The following PDE4D variants were observed in gnomAD, a reference collection of about 807,000 sequenced individuals.
PDE4D encodes phosphodiesterase 4D.
Under a neutral mutation model 87.4 loss-of-function variants are expected in PDE4D, and 24 were observed. The ratio of observed to expected loss-of-function variants is 0.27; its 90% CI spans 0.20 to 0.39. PDE4D has a LOEUF of 0.39. PDE4D is among the 10% of genes least tolerant of loss of function. The pLI, the probability that PDE4D is intolerant of heterozygous loss-of-function variation, is 1.00. For synonymous variants in PDE4D, 384 were observed against 383.2 expected, an observed-to-expected ratio of 1.00 and a Z score of -0.02; for missense variants, 714 against 1,041.0, an observed-to-expected ratio of 0.69 and a Z score of 4.32.
intron 1 of PDE4D, among the ~76,000 whole-genome samples, chr5:59,884,060 A>G (rs1333115059): frequency 1.3e-5 from 2 of 152,140 alleles, no homozygotes; most frequent in Admixed American, 1.3e-4. Context: ...CTCATTTTAA[A>G]GGAAATTGAG....
intron 1 of PDE4D, among the ~76,000 whole-genome samples, chr5:59,635,472 T>A (rs1428699700): frequency 1.3e-5 from 2 of 152,192 alleles, no homozygotes; most frequent in African/African-American, 2.4e-5. Context: ...TTGATGAACA[T>A]CGATGTGAAA....
intron 1 of PDE4D, among the ~76,000 whole-genome samples, chr5:60,473,752 T>A (rs1748041378): frequency 6.6e-6 from 1 of 151,764 alleles, no homozygotes; most frequent in African/African-American, 2.4e-5. Flanking sequence ...ATGCAAACCA[T>A]ACTACCATAT....
chr5:59,145,023 T>G (rs1778423347), intron 5 of PDE4D, among the ~76,000 whole-genome samples: 2 of 151,992 alleles, frequency 1.3e-5, no homozygotes, highest in African/African-American at 4.8e-5. Flanking sequence ...AGTTTGAAAA[T>G]GCAGAACATA....
chr5:60,011,739 C>A (rs1040053431), intron 2 of PDE4D, among the ~76,000 whole-genome samples: 1 of 152,052 alleles, frequency 6.6e-6, no homozygotes, highest in East Asian at 1.9e-4. Flanking sequence ...AGTATGCTGA[C>A]CCTTGCTCTA....
rs183161105 is a variant in PDE4D at position 60,493,511 on chromosome 5, C to G, written n.70+28540G>C. ...CTTAGACGTGCTCACTAAGAAGCAGCAGAAGAAAGAACAGAGTCTGCTTGG... is the reference window on the plus strand; with the variant it reads ...CTTAGACGTGCTCACTAAGAAGCAGGAGAAGAAAGAACAGAGTCTGCTTGG... On this transcript the variant is annotated intron_variant and non_coding_transcript_variant, in intron 1 of 2. Coordinates refer to the PDE4D transcript ENST00000506510. 1.2e-4 allele frequency among the ~76,000 whole-genome samples: 19 copies of G among 152,270 alleles called. No individual in the cohort carries two copies. In the East Asian group the frequency reaches 3.5e-3, roughly 28 times the overall value.
chr5:59,427,292 TACACACACACACACACACACAC>T (rs60646746), intron 1 of PDE4D, among the ~76,000 whole-genome samples: 1 of 132,258 alleles, frequency 7.6e-6, no homozygotes, highest in Non-Finnish European at 1.6e-5. Flanking sequence ...AGTGATTTTA[TACACACACACACACACACACAC>T]ACACACACAC....
intron 3 of PDE4D, among the ~76,000 whole-genome samples, chr5:59,917,196 C>T (rs552326320): frequency 7.2e-5 from 11 of 151,972 alleles, no homozygotes; most frequent in Non-Finnish European, 1.3e-4. Flanking sequence ...TTGACATCTA[C>T]GACTGGCTAG....
chr5:59,449,823 C>G (rs887927000), intron 1 of PDE4D, among the ~76,000 whole-genome samples: 4 of 152,004 alleles, frequency 2.6e-5, no homozygotes, highest in Admixed American at 6.6e-5. Flanking sequence ...CCAATCTCCA[C>G]TACAAAACAG....
intron 1 of PDE4D, among the ~76,000 whole-genome samples, chr5:59,368,146 T>A (rs1352304989): frequency 6.6e-6 from 1 of 152,192 alleles, no homozygotes; most frequent in Non-Finnish European, 1.5e-5. Flanking sequence ...ACATCCGAAT[T>A]CTCTATTATT....
chr5:59,725,775 C>T (rs913052426), intron 1 of PDE4D, among the ~76,000 whole-genome samples: 2 of 152,016 alleles, frequency 1.3e-5, no homozygotes, highest in African/African-American at 2.4e-5. Flanking sequence ...AATTTGAAAT[C>T]CTAAGGGCTT....
chr5:59,630,347 A>T lies in PDE4D; in HGVS notation c.455+262821T>A, dbSNP rs73099680. ...GACACTCATATTATCTTGCTTCAGGATACATCTATTTCTTAAAGTCATTTT... is the reference window on the plus strand; with the variant it reads ...GACACTCATATTATCTTGCTTCAGGTTACATCTATTTCTTAAAGTCATTTT... On this transcript the variant is annotated intron_variant, in intron 1 of 14. Transcript: ENST00000340635. Among the ~76,000 whole-genome samples the T allele has an allele frequency of 5.3e-3, 802 of 152,230 alleles. 5 individuals carry two copies. Among genetic ancestry groups the T allele is most frequent in the African/African-American group, 0.019 (770 of 41,532 alleles).
At chr5:58,997,702 CTTTTGAA>C (rs908265933) in intron 6 of PDE4D, among the ~76,000 whole-genome samples, 2 of 151,902 alleles carry the variant, frequency 1.3e-5, no homozygotes, top group African/African-American at 2.4e-5. Context: ...TAAGTGAATG[CTTTTGAA>C]TCCTTTGTTC....
intron 3 of PDE4D, among the ~76,000 whole-genome samples, chr5:59,953,523 G>A (rs776460450): frequency 3.3e-5 from 5 of 151,972 alleles, no homozygotes; most frequent in Non-Finnish European, 7.4e-5. Context: ...ACATTAATCC[G>A]ATCAGAAAAG....
chr5:59,220,853 T>C (rs988416485), intron 1 of PDE4D, among the ~76,000 whole-genome samples: 6 of 151,640 alleles, frequency 4.0e-5, no homozygotes, highest in African/African-American at 1.5e-4. Flanking sequence ...CTCTTTTGAC[T>C]CACAGCCAAT....
intron 2 of PDE4D, among the ~76,000 whole-genome samples, chr5:60,097,119 C>G (rs17376533): frequency 0.14 from 21,315 of 151,924 alleles, 1,555 homozygotes; most frequent in South Asian, 0.22. Flanking sequence ...TAGTCATACT[C>G]TTATTCTAAA....
At chr5:59,250,712 C>G (rs759406490) in intron 1 of PDE4D, among the ~76,000 whole-genome samples, 1 of 151,852 alleles carries the variant, frequency 6.6e-6, no homozygotes, top group African/African-American at 2.4e-5. Context: ...AAAAAGAGCC[C>G]GAATAGCCAA....
At chr5:60,510,154 G>A (rs1750507999) in intron 1 of PDE4D, among the ~76,000 whole-genome samples, 1 of 152,134 alleles carries the variant, frequency 6.6e-6, no homozygotes, top group South Asian at 2.1e-4. Context: ...AAAAAGAGTG[G>A]AGTAAGAGAG....
intron 6 of PDE4D, among the ~76,000 whole-genome samples, chr5:59,031,788 A>G (rs1264515795): frequency 6.6e-6 from 1 of 151,268 alleles, no homozygotes; most frequent in Non-Finnish European, 1.5e-5. Flanking sequence ...ACATCATGGA[A>G]TGGAACTACA....
At chr5:59,566,553 TG>T (rs1820933150) in intron 1 of PDE4D, among the ~76,000 whole-genome samples, 1 of 150,260 alleles carries the variant, frequency 6.7e-6, no homozygotes, top group African/African-American at 2.5e-5. Context: ...TGTGTGTGTG[TG>T]TGTGTGTGTG....
Sources: gnomAD v4.1 joint callset for allele counts (sites outside exome capture counted in the v4.1 genomes callset) on GRCh38, gnomAD v4.1.1 for gene constraint, MANE v1.5 for transcripts, NCBI Gene and HGNC (gene_info 2026-07-23, HGNC 2026-07-21) for gene names.